CDH12: variants seen among roughly 807,000 people sequenced by gnomAD.
CDH12 encodes cadherin-12.
In CDH12, 41 loss-of-function variants were observed where a neutral mutation model predicts 74.1. That is an observed-to-expected ratio of 0.55 (90% CI 0.43 to 0.72). CDH12 has a LOEUF of 0.72. Ranked by LOEUF, CDH12 falls within the 30% of genes least tolerant of loss-of-function variation. CDH12 has a pLI of 0.00. For missense variants in CDH12, 945 were observed against 977.2 expected, an observed-to-expected ratio of 0.97 and a Z score of 0.44; for synonymous variants, 399 against 355.0, an observed-to-expected ratio of 1.12 and a Z score of -1.39.
intron 1 of CDH12, among the ~76,000 whole-genome samples, chr5:22,621,646 A>T (rs1413287258): frequency 6.6e-6 from 1 of 152,130 alleles, no homozygotes; most frequent in African/African-American, 2.4e-5. Context: ...TCAAGAAAAT[A>T]AGAAATGTGT....
chr5:22,092,440 A>G (rs1362636729), intron 4 of CDH12, among the ~76,000 whole-genome samples: 3 of 152,176 alleles, frequency 2.0e-5, no homozygotes, highest in Non-Finnish European at 2.9e-5. Context: ...CAATCAATAA[A>G]TGAGAGAGGG....
rs1221953242 is a variant in CDH12, at chr5:22,307,952, C to T, written c.-332-95309G>A. Among the ~76,000 whole-genome samples, 3 of 132,266 alleles carry T rather than the reference C, an allele frequency of 2.3e-5. No individual in the cohort carries two copies. In the East Asian group the frequency reaches 7.5e-4, roughly 33 times the overall value. 86.8% of individuals were successfully genotyped at this position (132,266 alleles called of 152,430 possible). On this transcript the variant is annotated intron_variant, in intron 3 of 14. Coordinates refer to ENST00000382254, the MANE Select transcript of CDH12 (RefSeq NM_004061.5). ...CTGGAGTGCAGTGGCGCGATCTCGG[C>T]TCACTGCAGGCTCTGCCTCCTGGGT... is the stretch of plus-strand genomic sequence containing the variant.
At position 21,830,199 on chromosome 5, in the gene CDH12, C is replaced by CAAAAAAAAAAAAAAA. The variant is rs1055199877; in HGVS notation, c.814+11947_814+11961dup. 7.9e-4 allele frequency among the ~76,000 whole-genome samples: 20 copies of CAAAAAAAAAAAAAAA among 25,252 alleles called. 2 individuals are homozygous for CAAAAAAAAAAAAAAA. The highest frequency in any genetic ancestry group is 2.5e-3 in the South Asian group (1 of 406). 16.6% of individuals were successfully genotyped at this position (25,252 alleles called of 152,430 possible). Reference sequence around the variant, plus strand: ...GGGTGACAACAGTGAAACTCCTTCTCAAAAAAAAAAAAAAAAAAAAAAAAA... The same window carrying CAAAAAAAAAAAAAAA: ...GGGTGACAACAGTGAAACTCCTTCTCAAAAAAAAAAAAAAAAAAAAAAAAAAAAAAAAAAAAAAAA... On this transcript the variant is annotated intron_variant, in intron 8 of 14. Transcript: ENST00000382254.
At chr5:22,043,684 A>G (rs1739729814) in intron 5 of CDH12, among the ~76,000 whole-genome samples, 1 of 151,922 alleles carries the variant, frequency 6.6e-6, no homozygotes, top group African/African-American at 2.4e-5. Context: ...TCTTATGTAT[A>G]GAAAATCCCA....
At chr5:22,105,533 A>G (rs1744385315) in intron 4 of CDH12, among the ~76,000 whole-genome samples, 1 of 151,248 alleles carries the variant, frequency 6.6e-6, no homozygotes, top group Non-Finnish European at 1.5e-5. Context: ...CCCTGTCTCT[A>G]CTAAAAATAC....
intron 4 of CDH12, among the ~76,000 whole-genome samples, chr5:22,131,591 T>C (rs1269246438): frequency 1.3e-5 from 2 of 152,126 alleles, no homozygotes; most frequent in African/African-American, 4.8e-5. Flanking sequence ...TGTTGAGAGA[T>C]AGCCACATCC....
intron 1 of CDH12, among the ~76,000 whole-genome samples, chr5:22,733,901 G>C (rs1374530836): frequency 1.3e-5 from 2 of 151,854 alleles, no homozygotes; most frequent in African/African-American, 2.4e-5. Context: ...ACCAAATAGA[G>C]AGTCTGCCCA....
intron 3 of CDH12, among the ~76,000 whole-genome samples, chr5:22,239,093 A>C (rs1752657644): frequency 1.3e-5 from 2 of 152,216 alleles, no homozygotes; most frequent in African/African-American, 2.4e-5. Flanking sequence ...ATGCACATTA[A>C]TTATGAAAAT....
chr5:22,580,386 C>A (rs1320890228), intron 1 of CDH12: 1 of 483,778 alleles, frequency 2.1e-6, no homozygotes, highest in South Asian at 1.5e-5. Flanking sequence ...CACGTGGTCC[C>A]CATCGTAGGG....
chr5:21,880,158 G>A (rs1752163823), intron 6 of CDH12, among the ~76,000 whole-genome samples: 1 of 152,154 alleles, frequency 6.6e-6, no homozygotes, highest in African/African-American at 2.4e-5. Flanking sequence ...TCAGGTAGAG[G>A]GTTCACCGAC....
At position 22,259,731 on chromosome 5, in the gene CDH12, C is replaced by CT. The variant is rs61706685; in HGVS notation, c.-332-47089dup. ...GAGGTAATTTAAGATATGCAAAGGA[C>CT]TTTTTTTTTTTACTAGCACCAATAT... On this transcript the variant is annotated intron_variant, in intron 3 of 14. Coordinates refer to ENST00000382254, the MANE Select transcript of CDH12 (RefSeq NM_004061.5). 1.3e-3 allele frequency among the ~76,000 whole-genome samples: 185 copies of CT among 145,658 alleles called. 1 individual carries two copies. The highest frequency in any genetic ancestry group is 4.1e-3 in the South Asian group (19 of 4,612).
chr5:21,862,514 A>G (rs1269920554), intron 6 of CDH12, among the ~76,000 whole-genome samples: 1 of 152,110 alleles, frequency 6.6e-6, no homozygotes, highest in African/African-American at 2.4e-5. Flanking sequence ...TAGTTAATTC[A>G]TTCATGTCTT....
In CDH12 at chr5:22,651,012, T is replaced by C. The variant is rs570015603; in HGVS notation, c.-522-145648A>G. Reference sequence around the variant, plus strand: ...AGTTAGTGTATTTCCATGTTTAATATCAGAAAAGTCTTTCTTGAGCAGAGA... The same window carrying C: ...AGTTAGTGTATTTCCATGTTTAATACCAGAAAAGTCTTTCTTGAGCAGAGA... On this transcript the variant is annotated intron_variant, in intron 1 of 14. Transcript: ENST00000382254. 2.0e-5 allele frequency among the ~76,000 whole-genome samples: 3 copies of C among 152,204 alleles called. No homozygotes were observed. The South Asian group carries it at 6.2e-4, about 32-fold the overall frequency.
intron 9 of CDH12, among the ~76,000 whole-genome samples, chr5:21,816,282 A>G (rs1381036668): frequency 6.6e-6 from 1 of 152,126 alleles, no homozygotes. Context: ...CCTTTTGCTT[A>G]TGATTTTCTT....
chr5:22,006,571 C>T (rs1319546569), intron 5 of CDH12, among the ~76,000 whole-genome samples: 3 of 152,070 alleles, frequency 2.0e-5, no homozygotes, highest in Non-Finnish European at 2.9e-5. Flanking sequence ...GAAAACACCA[C>T]AGTTTTGAAT....
At chr5:21,780,725 G>T (rs1745860241) in intron 11 of CDH12, among the ~76,000 whole-genome samples, 1 of 152,094 alleles carries the variant, frequency 6.6e-6, no homozygotes, top group Non-Finnish European at 1.5e-5. Context: ...AAGTAACATG[G>T]TTCACAGAGG....
chr5:22,017,835 C>A lies in CDH12; in HGVS notation c.232-42450G>T, dbSNP rs1270986105. On this transcript the variant is annotated intron_variant, in intron 5 of 14. Coordinates refer to ENST00000382254, the MANE Select transcript of CDH12 (RefSeq NM_004061.5). ...AGTGCAATGGCGTAATCTCAGCTCA[C>A]CACAACACCTGCCTCCCGAGTTCAA... Among the ~76,000 whole-genome samples the A allele has an allele frequency of 2.0e-5, 3 of 151,626 alleles. No individual in the cohort carries two copies. The East Asian group carries it at 5.8e-4, about 29-fold the overall frequency.
Position 22,707,456 on chromosome 5 carries a change from T to G in CDH12, c.-523+145602A>C, listed in dbSNP as rs1013024310. Among the ~76,000 whole-genome samples the G allele has an allele frequency of 5.3e-5, 8 of 152,282 alleles. No individual in the cohort carries two copies. The East Asian group carries it at 1.4e-3, about 26-fold the overall frequency. Reference sequence around the variant, plus strand: ...TTTTAGTCAGGAATGTCTACTGACTTTCATCTAAAGTGTATGCAGTAAGCT... The same window carrying G: ...TTTTAGTCAGGAATGTCTACTGACTGTCATCTAAAGTGTATGCAGTAAGCT... On this transcript the variant is annotated intron_variant, in intron 1 of 14. Coordinates refer to ENST00000382254, the MANE Select transcript of CDH12 (RefSeq NM_004061.5).
At chr5:22,127,863 A>G (rs1444488137) in intron 4 of CDH12, among the ~76,000 whole-genome samples, 1 of 152,084 alleles carries the variant, frequency 6.6e-6, no homozygotes, top group Non-Finnish European at 1.5e-5. Flanking sequence ...TTGAAGATAC[A>G]AGCAGCCATT....
Sources: gnomAD v4.1 joint callset for allele counts (sites outside exome capture counted in the v4.1 genomes callset) on GRCh38, gnomAD v4.1.1 for gene constraint, MANE v1.5 for transcripts, NCBI Gene and HGNC (gene_info 2026-07-23, HGNC 2026-07-21) for gene names.